MAP3K15: variants seen among roughly 807,000 people sequenced by gnomAD.
MAP3K15 encodes the protein MAPK/ERK kinase kinase 15.
In MAP3K15, 124 loss-of-function variants were observed where a neutral mutation model predicts 99.5. The observed-to-expected ratio is 1.25, with a 90% confidence interval of 1.08 to 1.45. MAP3K15 has a LOEUF of 1.45. MAP3K15 is among the 40% of genes most tolerant of loss of function. The pLI, the probability that MAP3K15 is intolerant of heterozygous loss-of-function variation, is 0.00. For synonymous variants in MAP3K15, 494 were observed against 439.6 expected (o/e 1.12, Z -1.55); for missense variants, 1,242 against 1,079.7 (o/e 1.15, Z -2.11).
chrX:19,376,341 C>T (rs1272654878), intron 19 of MAP3K15, among the ~76,000 whole-genome samples: 3 of 110,591 alleles, frequency 2.7e-5, no homozygotes, highest in Non-Finnish European at 5.7e-5. Context: ...CGGTCTCTGG[C>T]GCTCCTTGGC....
chrX:19,433,103 A>G (rs1005211670), intron 6 of MAP3K15, among the ~76,000 whole-genome samples: 7 of 111,805 alleles, frequency 6.3e-5, no homozygotes, highest in African/African-American at 2.3e-4. Flanking sequence ...TTGGGGTATA[A>G]AAGAGTGGGT....
intron 10 of MAP3K15, among the ~76,000 whole-genome samples, 159 bp from the exon 11 acceptor site, chrX:19,413,623 G>A (rs763907451): frequency 1.1e-5 from 1 of 92,871 alleles, no homozygotes; most frequent in Non-Finnish European, 2.1e-5. Context: ...GGTTGAGGTC[G>A]GAGGATCACT....
At chrX:19,495,363 A>G (rs957485579) in intron 1 of MAP3K15, among the ~76,000 whole-genome samples, 3 of 111,524 alleles carry the variant, frequency 2.7e-5, no homozygotes, top group Non-Finnish European at 3.8e-5. Context: ...GAGCCAATAT[A>G]CCAATTCAGT....
At chrX:19,451,213 A>T (rs1027427890) in intron 6 of MAP3K15, among the ~76,000 whole-genome samples, 3 of 94,984 alleles carry the variant, frequency 3.2e-5, no homozygotes, top group African/African-American at 1.1e-4. Flanking sequence ...TGAACCCGGG[A>T]GGTGGAGGCT....
At chrX:19,432,898 A>G (rs1023348752) in intron 6 of MAP3K15, among the ~76,000 whole-genome samples, 2 of 110,956 alleles carry the variant, frequency 1.8e-5, no homozygotes, top group Non-Finnish European at 3.8e-5. Context: ...TGTAATGTTA[A>G]TAGAGGTTTC....
rs747188500 is a variant in MAP3K15, at chrX:19,460,056, G to A, written c.817C>T (p.Arg273Cys). 90 of 1,194,326 alleles carry A rather than the reference G, an allele frequency of 7.5e-5. No individual in the cohort carries two copies. Among genetic ancestry groups the A allele is most frequent in the Middle Eastern group, 2.3e-4 (1 of 4,356 alleles). The change falls in exon 5 of 29, where the codon CGC (arginine) becomes TGC (cysteine). Residue 273 changes from arginine to cysteine, a missense_variant. Transcript: ENST00000338883. ...GTCAGAACCTCAGTATTATCCATGC[G>A]GAGCTTGATCCGAGCTAGCTCCTTC... is the stretch of plus-strand genomic sequence containing the variant. The part of the protein sequence containing the change: ...LAKELARIKL[R>C]MDNTEVLTSD...
intron 19 of MAP3K15, among the ~76,000 whole-genome samples, chrX:19,378,492 C>T (rs1016165212): frequency 1.8e-5 from 2 of 111,921 alleles, no homozygotes; most frequent in Admixed American, 1.9e-4. Flanking sequence ...AGAATGAGAA[C>T]CAGCAAAGGC....
Position 19,360,670 on chromosome X carries a change from A to T in MAP3K15, c.*79T>A, listed in dbSNP as rs900536893. 1.9e-5 allele frequency: 14 copies of T among 735,038 alleles called. No homozygotes were observed. The Admixed American group carries it at 2.7e-4, about 14-fold the overall frequency. 60.6% of individuals were successfully genotyped at this position (735,038 alleles called of 1,213,427 possible). A position where few individuals can be genotyped will look rare whatever the true frequency, so the allele number is the denominator to read the frequency against. On this transcript the variant is annotated 3_prime_UTR_variant, in exon 29 of 29. Transcript: ENST00000338883. ...TTTTTAAATATGTAAACACAGCGGA[A>T]TTCGTGTATACACTAACAGAAGCTT...
At chrX:19,436,878 A>G (rs1193075886) in intron 6 of MAP3K15, among the ~76,000 whole-genome samples, 2 of 111,494 alleles carry the variant, frequency 1.8e-5, no homozygotes, top group African/African-American at 6.5e-5. Context: ...GCGTTTAGCC[A>G]TGATGACCAG....
chrX:19,488,989 C>A (rs1385354074), intron 1 of MAP3K15, 22 bp from the exon 2 acceptor site: 2 of 1,192,063 alleles, frequency 1.7e-6, no homozygotes, highest in Non-Finnish European at 2.2e-6. Context: ...AAGGAGAGGA[C>A]AGGATTAGGG....
chrX:19,386,386 G>A (rs912739683), intron 18 of MAP3K15, among the ~76,000 whole-genome samples: 1 of 111,634 alleles, frequency 9.0e-6, no homozygotes, highest in African/African-American at 3.3e-5. Flanking sequence ...AACCCGGGTG[G>A]TGGAGGTTGT....
chrX:19,437,150 T>A (rs934453984), intron 6 of MAP3K15, among the ~76,000 whole-genome samples: 1 of 111,885 alleles, frequency 8.9e-6, no homozygotes, highest in Non-Finnish European at 1.9e-5. Context: ...TATTTCAAAC[T>A]ACATCTGAAA....
In MAP3K15 at chrX:19,491,830, T is replaced by G. The variant is rs138931768; in HGVS notation, c.362-2863A>C. 5.1e-3 allele frequency among the ~76,000 whole-genome samples: 566 copies of G among 110,255 alleles called. 6 individuals are homozygous for G. The highest frequency in any genetic ancestry group is 0.026 in the South Asian group (66 of 2,521). Reference sequence around the variant, plus strand: ...TCCAGAGTAGCTGGGACTACAGGCATGTGCCACCATGCCCGGCTAATTTTG... The same window carrying G: ...TCCAGAGTAGCTGGGACTACAGGCAGGTGCCACCATGCCCGGCTAATTTTG... On this transcript the variant is annotated intron_variant, in intron 1 of 28. Transcript: ENST00000338883.
chrX:19,373,035 G>T, intron 21 of MAP3K15: 1 of 291,338 alleles, frequency 3.4e-6, no homozygotes. Context: ...GGGGGAGGCG[G>T]GGTAAAGGAG....
intron 9 of MAP3K15, among the ~76,000 whole-genome samples, chrX:19,421,519 G>A (rs1471783834): frequency 9.0e-6 from 1 of 110,860 alleles, no homozygotes; most frequent in East Asian, 2.8e-4. Context: ...ACTGCTCAAC[G>A]AAATAAAAGA....
chrX:19,364,754 G>A (rs971319756), intron 25 of MAP3K15, among the ~76,000 whole-genome samples: 48 of 109,971 alleles, frequency 4.4e-4, no homozygotes, highest in African/African-American at 1.3e-4. Flanking sequence ...TTAGCCAGGC[G>A]TGGTGGCACA....
chrX:19,360,987 T>A, intron 28 of MAP3K15, 154 bp from the exon 29 acceptor site: 1 of 436,272 alleles, frequency 2.3e-6, no homozygotes, highest in Non-Finnish European at 3.9e-6. Context: ...GACATGGCCT[T>A]AGAGGTACGT....
At chrX:19,419,821 G>T (rs751679721) in intron 9 of MAP3K15, among the ~76,000 whole-genome samples, 5 of 112,050 alleles carry the variant, frequency 4.5e-5, no homozygotes, top group African/African-American at 1.6e-4. Context: ...TGAAAGAACA[G>T]AAATTATAAC....
At chrX:19,450,773 C>A (rs1184777362) in intron 6 of MAP3K15, among the ~76,000 whole-genome samples, 1 of 108,387 alleles carries the variant, frequency 9.2e-6, no homozygotes, top group African/African-American at 3.3e-5. Context: ...ATCACGGGCT[C>A]AAGGAGGCCA....
Sources: allele counts gnomAD v4.1 joint callset (sites outside exome capture counted in the v4.1 genomes callset), GRCh38; gene constraint gnomAD v4.1.1; transcripts MANE v1.5; gene names NCBI Gene and HGNC (gene_info 2026-07-23, HGNC 2026-07-21).